The following RYR2 variants were observed in gnomAD, a reference collection of about 807,000 sequenced individuals.
The protein encoded by RYR2 is cardiac muscle ryanodine receptor-calcium release channel.
A neutral mutation model predicts 601.1 loss-of-function variants in RYR2; 227 were observed. The ratio of observed to expected loss-of-function variants is 0.38; its 90% confidence interval spans 0.34 to 0.42. The LOEUF (loss-of-function observed/expected upper bound fraction) is 0.42, where lower values mean the gene tolerates loss of function less well. Ranked by LOEUF, RYR2 falls within the 10% of genes least tolerant of loss-of-function variation. The probability of loss-of-function intolerance (pLI) is 1.00; values close to 1 mark genes in which losing one functional copy is unlikely to be tolerated. For synonymous variants in RYR2, 2,223 were observed against 2,175.1 expected, an observed-to-expected ratio of 1.02 and a Z score of -0.61; for missense variants, 4,646 against 6,156.5, an observed-to-expected ratio of 0.75 and a Z score of 8.21.
chr1:237,104,717 C>G (rs1216005141), intron 1 of RYR2, among the ~76,000 whole-genome samples: 1 of 152,162 alleles, frequency 6.6e-6, no homozygotes, highest in Non-Finnish European at 1.5e-5. Flanking sequence ...ACCCAGGGCA[C>G]TGTACTTACT....
At chr1:237,711,696 A>G (rs761801880) in intron 70 of RYR2, 49 bp from the exon 71 acceptor site, 1 of 928,274 alleles carries the variant, frequency 1.1e-6, no homozygotes, top group Non-Finnish European at 1.7e-6. Context: ...TCTAATTACA[A>G]AGACTTCTTT....
At chr1:237,463,797 C>T (rs1363886446) in intron 16 of RYR2, among the ~76,000 whole-genome samples, 1 of 152,126 alleles carries the variant, frequency 6.6e-6, no homozygotes, top group East Asian at 1.9e-4. Context: ...ACCAAGTTGC[C>T]ATTGCACTTC....
intron 1 of RYR2, among the ~76,000 whole-genome samples, chr1:237,067,504 T>C (rs1177621103): frequency 6.6e-6 from 1 of 152,240 alleles, no homozygotes; most frequent in Non-Finnish European, 1.5e-5. Context: ...TGTCTAGCTG[T>C]CCACCAATAC....
At chr1:237,535,734 A>G (rs1668551814) in intron 25 of RYR2, among the ~76,000 whole-genome samples, 1 of 152,234 alleles carries the variant, frequency 6.6e-6, no homozygotes, top group Admixed American at 6.5e-5. Flanking sequence ...GTATTAACAA[A>G]GTATAATATG....
chr1:237,591,678 A>G lies in RYR2; in HGVS notation c.4161-61A>G. ...AGGCAACTCAATTGATTATATGCTC[A>G]TATTTGAAGTAGACAGAACATTTTA... On this transcript the variant is annotated intron_variant, in intron 31 of 104. Coordinates refer to ENST00000366574, the MANE Select transcript of RYR2 (RefSeq NM_001035.3). 4 of 1,348,608 alleles carry G rather than the reference A, an allele frequency of 3.0e-6. No homozygotes were observed. The South Asian group carries it at 3.7e-5, about 12-fold the overall frequency. The allele number at this position is 1,348,608 out of a possible 1,614,324, so 83.5% of individuals were successfully genotyped here. A position where few individuals can be genotyped will look rare whatever the true frequency, so the allele number is the denominator to read the frequency against.
chr1:237,503,320 G>C lies in RYR2; in HGVS notation c.2428G>C (p.Glu810Gln). The C allele has an allele frequency of 1.2e-6, 2 of 1,613,016 alleles. No homozygotes were observed. The highest frequency in any genetic ancestry group is 1.7e-6 in the Non-Finnish European group (2 of 1,179,370). ...VRFLLGGRHG[E>Q]FKFLPPPGYA... ...CTTTCTGCTTGGAGGGCGACATGGA[G>C]AATTCAAATTTCTTCCTCCACCTGG... is the stretch of plus-strand genomic sequence containing the variant. The change falls in exon 22 of 105, where the codon GAA (glutamate) becomes CAA (glutamine). Residue 810 changes from glutamate (E) to glutamine (Q), a missense_variant. Glu to Gln is a conservative substitution (Grantham distance 29). Transcript: ENST00000366574.
chr1:237,748,177 G>A (rs1332412562), intron 80 of RYR2, among the ~76,000 whole-genome samples: 1 of 152,118 alleles, frequency 6.6e-6, no homozygotes, highest in African/African-American at 2.4e-5. Context: ...GGGGAATGAG[G>A]GAGGGCAAGT....
Position 237,494,377 on chromosome 1 carries a change from G to A in RYR2, c.1961+1290G>A, listed in dbSNP as rs1032467737. Among the ~76,000 whole-genome samples the A allele has an allele frequency of 6.6e-5, 10 of 152,108 alleles. No individual in the cohort carries two copies. In the South Asian group the frequency reaches 1.7e-3, roughly 25 times the overall value. ...TTCAAGGGCAGAAAGCACCCAGCACGGGAGAAAGATGAAGGATGGAAAACT... is the reference window on the plus strand; with the variant it reads ...TTCAAGGGCAGAAAGCACCCAGCACAGGAGAAAGATGAAGGATGGAAAACT... On this transcript the variant is annotated intron_variant, in intron 19 of 104. Transcript: ENST00000366574.
At chr1:237,465,680 G>T (rs543212760) in intron 16 of RYR2, among the ~76,000 whole-genome samples, 1 of 152,078 alleles carries the variant, frequency 6.6e-6, no homozygotes. Context: ...CCTACTGCGC[G>T]GCTACGCTAT....
At chr1:237,830,779 CTT>C (rs1342213384) in intron 103 of RYR2, 149 bp downstream of exon 103, 3 of 521,406 alleles carry the variant, frequency 5.8e-6, no homozygotes, top group Admixed American at 7.0e-5. Context: ...TAATGGCTCT[CTT>C]TTCCTCTGGA....
chr1:237,119,714 C>CT (rs1670565276), intron 1 of RYR2, among the ~76,000 whole-genome samples: 1 of 152,170 alleles, frequency 6.6e-6, no homozygotes, highest in Non-Finnish European at 1.5e-5. Context: ...ACAGTCTCTA[C>CT]TAAAGTGGAG....
At position 237,809,043 on chromosome 1, in the gene RYR2, C is replaced by G; in HGVS notation, c.14433+8C>G. 6.2e-7 allele frequency: 1 copy of G among 1,611,066 alleles called. No homozygotes were observed. Among genetic ancestry groups the G allele is most frequent in the Non-Finnish European group, 8.5e-7 (1 of 1,178,118 alleles). On this transcript the variant is annotated splice_region_variant and intron_variant, in intron 100 of 104. Coordinates refer to ENST00000366574, the MANE Select transcript of RYR2 (RefSeq NM_001035.3). ...TGTGACGATATGCTAACAGTAAGTT[C>G]ATAACCTTTGATCTCACATAAACAA...
chr1:237,461,460 A>G lies in RYR2; in HGVS notation c.1612+4725A>G, dbSNP rs534645747. On this transcript the variant is annotated intron_variant, in intron 16 of 104. Coordinates refer to ENST00000366574, the MANE Select transcript of RYR2 (RefSeq NM_001035.3). ...CTGTCTCTTCCTTTCACCAGCAACCAGATGTTGCTGGTCTGTCTCTAAACT... is the reference window on the plus strand; with the variant it reads ...CTGTCTCTTCCTTTCACCAGCAACCGGATGTTGCTGGTCTGTCTCTAAACT... Among the ~76,000 whole-genome samples the G allele has an allele frequency of 1.5e-4, 23 of 152,184 alleles. No homozygotes were observed. In the East Asian group the frequency reaches 4.3e-3, roughly 28 times the overall value.
intron 14 of RYR2, among the ~76,000 whole-genome samples, chr1:237,453,580 G>C (rs1658452382): frequency 6.6e-6 from 1 of 152,080 alleles, no homozygotes; most frequent in Non-Finnish European, 1.5e-5. Flanking sequence ...TTAACAACTT[G>C]TCATGGCTAT....
intron 10 of RYR2, among the ~76,000 whole-genome samples, chr1:237,411,737 A>G (rs143606166): frequency 1.7e-4 from 26 of 152,290 alleles, no homozygotes; most frequent in East Asian, 1.3e-3. Flanking sequence ...AAGTTCACAC[A>G]AAGAAGTGAC....
chr1:237,802,946 G>T (rs1660146275), intron 98 of RYR2, among the ~76,000 whole-genome samples: 1 of 152,188 alleles, frequency 6.6e-6, no homozygotes, highest in Non-Finnish European at 1.5e-5. Context: ...TGCTATTTTA[G>T]TAGGCTTTTA....
chr1:237,489,867 A>G (rs1663127602), intron 17 of RYR2, among the ~76,000 whole-genome samples: 1 of 152,248 alleles, frequency 6.6e-6, no homozygotes, highest in South Asian at 2.1e-4. Context: ...TCACAAGAGC[A>G]AAGACATGTC....
At chr1:237,281,592 G>A (rs1307037647) in intron 2 of RYR2, among the ~76,000 whole-genome samples, 1 of 152,244 alleles carries the variant, frequency 6.6e-6, no homozygotes, top group Non-Finnish European at 1.5e-5. Context: ...AAAGGGGGCT[G>A]TGCTTACAAA....
chr1:237,265,637 T>C (rs1558522558), intron 1 of RYR2, among the ~76,000 whole-genome samples: 1 of 152,318 alleles, frequency 6.6e-6, no homozygotes, highest in East Asian at 1.9e-4. Flanking sequence ...AAGGATTTTT[T>C]GGCTTTTATC....
Sources: gnomAD v4.1 joint callset for allele counts (sites outside exome capture counted in the v4.1 genomes callset) on GRCh38, gnomAD v4.1.1 for gene constraint, MANE v1.5 for transcripts, NCBI Gene and HGNC (gene_info 2026-07-23, HGNC 2026-07-21) for gene names.